Variants in EXOC4 observed in about 807,000 individuals in gnomAD.
EXOC4 encodes the protein exocyst complex component 4, also known as SEC8-like 1.
EXOC4 carries 71 observed loss-of-function variants against 107.2 expected under a neutral mutation model. The observed-to-expected ratio is 0.66, with a 90% CI of 0.55 to 0.81. The LOEUF (loss-of-function observed/expected upper bound fraction) is 0.81. Ranked by LOEUF, EXOC4 falls within the 30% of genes least tolerant of loss-of-function variation. The pLI is 0.00. For missense variants in EXOC4, 1,108 were observed against 1,189.6 expected (o/e 0.93, Z 1.01); for synonymous variants, 456 against 441.2 (o/e 1.03, Z -0.42).
chr7:133,558,372 TG>T (rs1449408588), intron 9 of EXOC4, among the ~76,000 whole-genome samples: 2 of 152,120 alleles, frequency 1.3e-5, no homozygotes, highest in Non-Finnish European at 2.9e-5. Context: ...AGCTATAACT[TG>T]GAATTTAAAG....
chr7:133,918,704 G>A (rs866407902), intron 13 of EXOC4, among the ~76,000 whole-genome samples: 3 of 150,250 alleles, frequency 2.0e-5, no homozygotes, highest in South Asian at 2.1e-4. Flanking sequence ...CCATATGGCT[G>A]GCTTGCCACA....
At chr7:133,547,652 G>T (rs932071149) in intron 9 of EXOC4, among the ~76,000 whole-genome samples, 2 of 152,292 alleles carry the variant, frequency 1.3e-5, no homozygotes, top group East Asian at 1.9e-4. Flanking sequence ...AGTGTCCACA[G>T]CATCTTCAAG....
At chr7:133,532,880 G>T (rs1263557037) in intron 9 of EXOC4, among the ~76,000 whole-genome samples, 1 of 151,958 alleles carries the variant, frequency 6.6e-6, no homozygotes, top group Non-Finnish European at 1.5e-5. Context: ...CAGGAAATAG[G>T]GTTGCTATAG....
At chr7:133,685,882 AC>A (rs1246125769) in intron 10 of EXOC4, among the ~76,000 whole-genome samples, 15 of 151,922 alleles carry the variant, frequency 9.9e-5, no homozygotes, top group Admixed American at 3.9e-4. Flanking sequence ...CCTGCCTCTC[AC>A]CTTTCCAAGT....
At chr7:133,338,360 G>A (rs1795570474) in intron 5 of EXOC4, among the ~76,000 whole-genome samples, 3 of 150,976 alleles carry the variant, frequency 2.0e-5, no homozygotes, top group Admixed American at 6.6e-5. Flanking sequence ...TTGGGAGGCC[G>A]AGGCGGGTGG....
intron 7 of EXOC4, among the ~76,000 whole-genome samples, chr7:133,456,047 T>A (rs556646065): frequency 3.9e-4 from 59 of 152,248 alleles, no homozygotes; most frequent in Non-Finnish European, 7.5e-4. Flanking sequence ...CTTCATTCTG[T>A]AATCAATATA....
chr7:134,007,630 A>C, intron 16 of EXOC4, 46 bp from the exon 17 acceptor site: 1 of 1,523,940 alleles, frequency 6.6e-7, no homozygotes, highest in East Asian at 2.3e-5. Context: ...GAATGCCTCT[A>C]ATCTGTCATC....
rs534954617 is a variant in EXOC4, at chr7:133,843,171, A to C, written c.1734+25627A>C. 2.6e-5 allele frequency among the ~76,000 whole-genome samples: 4 copies of C among 152,150 alleles called. No homozygotes were observed. The South Asian group carries it at 6.2e-4, about 24-fold the overall frequency. On this transcript the variant is annotated intron_variant, in intron 11 of 17. Transcript: ENST00000253861. ...TGGGCTCTTTTTTGGTTTCATATGA[A>C]TTTTTAAATAGTTTTTTTTTCTAAT...
intron 11 of EXOC4, among the ~76,000 whole-genome samples, chr7:133,834,600 AT>A (rs1237628085): frequency 6.6e-6 from 1 of 152,172 alleles, no homozygotes; most frequent in Non-Finnish European, 1.5e-5. Context: ...TTTCGTTAGG[AT>A]TTTGAGCGTT....
At chr7:133,486,355 C>G (rs1057255896) in intron 9 of EXOC4, among the ~76,000 whole-genome samples, 2 of 152,102 alleles carry the variant, frequency 1.3e-5, no homozygotes, top group Non-Finnish European at 2.9e-5. Context: ...TAATAGGAGT[C>G]TCTTATATAG....
At chr7:133,665,899 A>G (rs1363044816) in intron 10 of EXOC4, among the ~76,000 whole-genome samples, 2 of 152,182 alleles carry the variant, frequency 1.3e-5, no homozygotes, top group Non-Finnish European at 2.9e-5. Context: ...CCTAAGAACA[A>G]AAGAGTTTCA....
chr7:133,692,929 T>G (rs1241384447), intron 10 of EXOC4, among the ~76,000 whole-genome samples: 3 of 152,174 alleles, frequency 2.0e-5, no homozygotes, highest in African/African-American at 7.2e-5. Context: ...TGTACCTTGG[T>G]CCTATGAAGT....
At chr7:133,570,521 C>T (rs1801000662) in intron 9 of EXOC4, among the ~76,000 whole-genome samples, 1 of 152,208 alleles carries the variant, frequency 6.6e-6, no homozygotes, top group Non-Finnish European at 1.5e-5. Context: ...ATAACCTGAT[C>T]TCCAACCTCA....
At chr7:133,928,750 A>G (rs1800107213) in intron 13 of EXOC4, among the ~76,000 whole-genome samples, 1 of 152,032 alleles carries the variant, frequency 6.6e-6, no homozygotes, top group South Asian at 2.1e-4. Flanking sequence ...ACTAAAAAGC[A>G]TTAGAAAGAG....
intron 7 of EXOC4, among the ~76,000 whole-genome samples, chr7:133,401,860 A>G (rs1797098462): frequency 1.3e-5 from 2 of 152,080 alleles, no homozygotes; most frequent in South Asian, 4.1e-4. Context: ...CTATTTATTA[A>G]TATTTTGGAA....
chr7:133,480,214 T>A, intron 9 of EXOC4, 76 bp downstream of exon 9: 3 of 1,576,534 alleles, frequency 1.9e-6, no homozygotes, highest in Non-Finnish European at 2.6e-6. Flanking sequence ...GTTTGTGTCC[T>A]GCATTCACAC....
intron 11 of EXOC4, among the ~76,000 whole-genome samples, chr7:133,861,227 G>A (rs1263415224): frequency 1.3e-5 from 2 of 152,126 alleles, no homozygotes; most frequent in Non-Finnish European, 2.9e-5. Flanking sequence ...AATAGGCCCA[G>A]AAACAATGGT....
At chr7:133,909,083 C>T (rs1045384687) in intron 12 of EXOC4, among the ~76,000 whole-genome samples, 3 of 152,104 alleles carry the variant, frequency 2.0e-5, no homozygotes, top group Admixed American at 6.6e-5. Context: ...TGAGAACATG[C>T]GGTGTGTGGT....
chr7:133,971,361 TAGAGAGAGAGAG>T (rs1186165891), intron 14 of EXOC4, among the ~76,000 whole-genome samples: 26 of 75,074 alleles, frequency 3.5e-4, no homozygotes, highest in Middle Eastern at 7.1e-3. Flanking sequence ...TATATATATA[TAGAGAGAGAGAG>T]AGAGAGAGAG....
Sources: allele counts gnomAD v4.1 joint callset (sites outside exome capture counted in the v4.1 genomes callset), GRCh38; gene constraint gnomAD v4.1.1; transcripts MANE v1.5; gene names NCBI Gene and HGNC (gene_info 2026-07-23, HGNC 2026-07-21).